IGSF21: variants seen among roughly 807,000 people sequenced by gnomAD.
IGSF21 encodes the protein immunoglobin superfamily member 21, also known as immunoglobulin superfamily member 21.
IGSF21 carries 28 observed loss-of-function variants against 46.8 expected under a neutral mutation model. The ratio of observed to expected loss-of-function variants is 0.60; its 90% CI spans 0.44 to 0.82. The LOEUF (loss-of-function observed/expected upper bound fraction) is 0.82, where lower values mean the gene tolerates loss of function less well. Among genes scored for constraint, IGSF21 ranks in the 40% least tolerant of loss-of-function variants. The probability of loss-of-function intolerance (pLI) is 0.00; values close to 1 mark genes in which losing one functional copy is unlikely to be tolerated. For synonymous variants in IGSF21, 284 were observed against 273.6 expected (o/e 1.04, Z -0.38); for missense variants, 624 against 665.5 (o/e 0.94, Z 0.69).
rs543962611 is a variant in IGSF21 at position 18,158,174 on chromosome 1, C to T, written c.70+49976C>T. ...TCCTTCAGGATCTCACACACCTGCC[C>T]TGTCATTCCATCCCCCGCCTTAGGA... On this transcript the variant is annotated intron_variant, in intron 1 of 9. Coordinates refer to ENST00000251296, the MANE Select transcript of IGSF21 (RefSeq NM_032880.5). Among the ~76,000 whole-genome samples, 3 of 152,222 alleles carry T rather than the reference C, an allele frequency of 2.0e-5. No homozygotes were observed. In the East Asian group the frequency reaches 5.8e-4, roughly 29 times the overall value.
chr1:18,304,574 G>A (rs2085392606), intron 3 of IGSF21, among the ~76,000 whole-genome samples: 1 of 152,184 alleles, frequency 6.6e-6, no homozygotes, highest in South Asian at 2.1e-4. Flanking sequence ...AAGGAGAACT[G>A]TTTCCATTCC....
At chr1:18,359,436 AAGG>A (rs2086068657) in intron 4 of IGSF21, among the ~76,000 whole-genome samples, 1 of 144,544 alleles carries the variant, frequency 6.9e-6, no homozygotes, top group Non-Finnish European at 1.5e-5. Context: ...GGAAGGAAGG[AAGG>A]AAAAGAGAAA....
intron 1 of IGSF21, among the ~76,000 whole-genome samples, chr1:18,184,547 C>T (rs1047455505): frequency 6.6e-6 from 1 of 152,226 alleles, no homozygotes; most frequent in Admixed American, 6.5e-5. Context: ...GGGCTGCAGC[C>T]TGGTGACAGC....
At chr1:18,356,280 C>A (rs1357168986) in intron 4 of IGSF21, among the ~76,000 whole-genome samples, 3 of 152,146 alleles carry the variant, frequency 2.0e-5, no homozygotes, top group Admixed American at 6.5e-5. Flanking sequence ...ACTCACCCAC[C>A]CCCACCACAC....
chr1:18,365,334 C>A lies in IGSF21; in HGVS notation c.652C>A (p.Arg218Ser). The change falls in exon 6 of 10, where the codon CGT becomes AGT. Residue 218 changes from arginine (R) to serine (S), a missense_variant. By Grantham distance (110) the Arg-to-Ser change is moderately radical. Coordinates refer to ENST00000251296, the MANE Select transcript of IGSF21 (RefSeq NM_032880.5). The surrounding 1 kb of genome is among the most constrained non-coding windows in gnomAD (Gnocchi z 4.8). ...CAGGCCCTTCCGCAGCCTTCTGCAC[C>A]GTGACCTGGATGACACCAAGATGCA... ...DSRPFRSLLH[R>S]DLDDTKMQKS... 6.2e-7 allele frequency: 1 copy of A among 1,614,124 alleles called. No homozygotes were observed. Among genetic ancestry groups the A allele is most frequent in the Non-Finnish European group, 8.5e-7 (1 of 1,180,016 alleles).
intron 6 of IGSF21, among the ~76,000 whole-genome samples, chr1:18,368,341 T>TAAAA (rs34608095): frequency 6.8e-6 from 1 of 147,306 alleles, no homozygotes. Context: ...CCATCTCTAC[T>TAAAA]AAAAAAAAAA....
At chr1:18,267,971 G>C (rs2124542679) in intron 2 of IGSF21, among the ~76,000 whole-genome samples, 1 of 152,348 alleles carries the variant, frequency 6.6e-6, no homozygotes, top group African/African-American at 2.4e-5. Context: ...TACAGAAAAT[G>C]TTTGCCAATC....
chr1:18,244,744 A>T (rs1029499500), intron 2 of IGSF21, among the ~76,000 whole-genome samples: 9 of 152,204 alleles, frequency 5.9e-5, no homozygotes, highest in Admixed American at 5.9e-4. Flanking sequence ...ACTGACACTT[A>T]TCAGTGCTAA....
chr1:18,192,543 G>A (rs962312330), intron 1 of IGSF21, among the ~76,000 whole-genome samples: 5 of 152,238 alleles, frequency 3.3e-5, no homozygotes, highest in Non-Finnish European at 5.9e-5. Context: ...GGGACCCATA[G>A]AGGGTAAGGC....
At chr1:18,283,926 C>G (rs1056301720) in intron 2 of IGSF21, among the ~76,000 whole-genome samples, 1 of 152,132 alleles carries the variant, frequency 6.6e-6, no homozygotes, top group Non-Finnish European at 1.5e-5. Context: ...GAAAAGGAGT[C>G]TTCTAAGTAC....
intron 6 of IGSF21, among the ~76,000 whole-genome samples, chr1:18,374,612 C>T (rs1209241730): frequency 6.6e-6 from 1 of 152,180 alleles, no homozygotes; most frequent in Non-Finnish European, 1.5e-5. Context: ...AAGCCCTGCT[C>T]TTCCCACGGA....
chr1:18,191,113 T>G (rs935177335), intron 1 of IGSF21, among the ~76,000 whole-genome samples: 1 of 152,126 alleles, frequency 6.6e-6, no homozygotes, highest in African/African-American at 2.4e-5. Flanking sequence ...CATTCAGAAC[T>G]GCATCAATGT....
chr1:18,295,418 G>T (rs1035821281), intron 3 of IGSF21, among the ~76,000 whole-genome samples: 2 of 152,208 alleles, frequency 1.3e-5, no homozygotes, highest in Non-Finnish European at 2.9e-5. Flanking sequence ...TTGCAATCTA[G>T]TCGGAGAGAC....
At chr1:18,141,256 A>G (rs181232710) in intron 1 of IGSF21, among the ~76,000 whole-genome samples, 76 of 152,054 alleles carry the variant, frequency 5.0e-4, no homozygotes, top group Non-Finnish European at 5.6e-4. Context: ...AAGCTCTGAG[A>G]CCTTGCTTTG....
At chr1:18,345,053 C>T (rs1182011506) in intron 4 of IGSF21, among the ~76,000 whole-genome samples, 1 of 152,164 alleles carries the variant, frequency 6.6e-6, no homozygotes, top group Non-Finnish European at 1.5e-5. Context: ...CCAGAAACCC[C>T]CAGGGTCTGA....
chr1:18,284,331 T>C (rs2124558874), intron 2 of IGSF21, among the ~76,000 whole-genome samples: 1 of 152,328 alleles, frequency 6.6e-6, no homozygotes, highest in South Asian at 2.1e-4. Context: ...ATTCCACAAA[T>C]GCACATTGAG....
intron 3 of IGSF21, among the ~76,000 whole-genome samples, chr1:18,311,477 C>T (rs953189638): frequency 7.9e-5 from 12 of 152,208 alleles, no homozygotes; most frequent in Non-Finnish European, 5.9e-5. Context: ...GGCTCTGGAG[C>T]GGCGGAGCTG....
chr1:18,116,953 A>G (rs1393663437), intron 1 of IGSF21, among the ~76,000 whole-genome samples: 1 of 152,182 alleles, frequency 6.6e-6, no homozygotes, highest in Non-Finnish European at 1.5e-5. Flanking sequence ...GCTTAAGTGC[A>G]GGTCCTGGTT....
chr1:18,315,583 G>A (rs1029011387), intron 3 of IGSF21, among the ~76,000 whole-genome samples: 1 of 151,868 alleles, frequency 6.6e-6, no homozygotes, highest in Non-Finnish European at 1.5e-5. Context: ...ATGGGTGGAT[G>A]GGTAGAGGGT....
Sources: allele counts gnomAD v4.1 joint callset (sites outside exome capture counted in the v4.1 genomes callset), GRCh38; gene constraint gnomAD v4.1.1; non-coding constraint Gnocchi (gnomAD v3.1); transcripts MANE v1.5; gene names NCBI Gene and HGNC (gene_info 2026-07-23, HGNC 2026-07-21).